The following SUN1 variants were observed in gnomAD, a reference collection of about 807,000 sequenced individuals.
SUN1 encodes the protein SUN domain-containing protein 1.
A neutral mutation model predicts 103.2 loss-of-function variants in SUN1; 61 were observed. That is an observed-to-expected ratio of 0.59 (90% CI 0.48 to 0.73). The LOEUF (loss-of-function observed/expected upper bound fraction) is 0.73, where lower values mean the gene tolerates loss of function less well. Among genes scored for constraint, SUN1 ranks in the 30% least tolerant of loss-of-function variants. The pLI, the probability that SUN1 is intolerant of heterozygous loss-of-function variation, is 0.00. For synonymous variants in SUN1, 490 were observed against 425.7 expected (o/e 1.15, Z -1.86); for missense variants, 1,052 against 1,034.6 (o/e 1.02, Z -0.23).
chr7:851,789 T>C (rs2128385853), intron 6 of SUN1, 161 bp from the exon 7 acceptor site: 1 of 681,794 alleles, frequency 1.5e-6, no homozygotes, highest in Non-Finnish European at 2.5e-6. Context: ...CATGATACGT[T>C]ACTGCCTTGC....
At position 841,960 on chromosome 7, in the gene SUN1, G is replaced by A. The variant is rs112598200; in HGVS notation, c.281G>A (p.Arg94His). The A allele has an allele frequency of 4.8e-5, 77 of 1,613,998 alleles. No individual in the cohort carries two copies. Among genetic ancestry groups the A allele is most frequent in the East Asian group, 2.9e-4 (13 of 44,878 alleles). ...TTTCTTCTTAGAACAACAAAACAGC[G>A]CAGAAGCACAAACAAATCAGCTTTT... ...KNRAARTTKQ[R>H]RSTNKSAFSI... Residue 94 changes from arginine to histidine, a missense_variant, in exon 3 of 19, where the codon CGC becomes CAC. Physicochemically the swap from Arg to His is conservative, Grantham distance 29. This residue lies in a region of SUN1 where 846 missense variants were observed against 774.5 expected (regional missense o/e 1.09). Transcript: ENST00000401592.
chr7:851,471 T>C lies in SUN1; in HGVS notation c.746T>C (p.Val249Ala). Residue 249 changes from valine to alanine, a missense_variant, in exon 6 of 19, where the codon GTG becomes GCG. This residue lies in a region of SUN1 where 846 missense variants were observed against 774.5 expected (regional missense o/e 1.09). Transcript: ENST00000401592. ...RTAWSALWLA[V>A]VAPGKAASGV... ...GCGTGGTCGGCCCTTTGGCTGGCCG[T>C]GGTTGCTCCAGGTGGCTATTTTGGG... 6.2e-7 allele frequency: 1 copy of C among 1,606,440 alleles called. No homozygotes were observed. Among genetic ancestry groups the C allele is most frequent in the Non-Finnish European group, 8.5e-7 (1 of 1,176,494 alleles).
chr7:848,618 A>G, intron 5 of SUN1: 1 of 1,316,440 alleles, frequency 7.6e-7, no homozygotes. Flanking sequence ...ATCAAAAGGT[A>G]TTTAAATATT....
At chr7:855,389 C>T (rs7810485) in intron 11 of SUN1, among the ~76,000 whole-genome samples, 61,153 of 152,024 alleles carry the variant, frequency 0.4, 12,579 homozygotes, top group East Asian at 0.5. Flanking sequence ...TTTTGACAGA[C>T]AGCACTAGCT....
intron 1 of SUN1, among the ~76,000 whole-genome samples, chr7:834,436 C>CGGA (rs1317426484): frequency 2.0e-5 from 3 of 152,110 alleles, no homozygotes; most frequent in Non-Finnish European, 4.4e-5. Flanking sequence ...GGAGCACAGC[C>CGGA]GGAGACTGGA....
At chr7:848,967 T>A (rs1306598036) in intron 5 of SUN1, among the ~76,000 whole-genome samples, 1 of 152,250 alleles carries the variant, frequency 6.6e-6, no homozygotes, top group Non-Finnish European at 1.5e-5. Context: ...TTTTTTCTTT[T>A]TGAGACGGAG....
chr7:840,918 G>A (rs984973038), intron 2 of SUN1, among the ~76,000 whole-genome samples: 1 of 152,094 alleles, frequency 6.6e-6, no homozygotes, highest in Non-Finnish European at 1.5e-5. Context: ...TGGGATTACA[G>A]GCATGAGCCA....
chr7:860,521 A>T lies in SUN1; in HGVS notation c.1779+139A>T, dbSNP rs561943786. On this transcript the variant is annotated intron_variant, in intron 14 of 18. Transcript: ENST00000401592. ...GGTGTGCTTAGCTGACGTAAGTGAGATGAGACGTGCCTGGGCAGTGCCGTG... is the reference window on the plus strand; with the variant it reads ...GGTGTGCTTAGCTGACGTAAGTGAGTTGAGACGTGCCTGGGCAGTGCCGTG... 2.8e-6 allele frequency: 4 copies of T among 1,409,256 alleles called. No homozygotes were observed. In the South Asian group the frequency reaches 5.5e-5, roughly 19 times the overall value. The allele number at this position is 1,409,256 out of a possible 1,614,324, so 87.3% of individuals were successfully genotyped here.
chr7:848,732 T>C, intron 5 of SUN1: 3 of 619,960 alleles, frequency 4.8e-6, no homozygotes, highest in Non-Finnish European at 7.2e-6. Flanking sequence ...GTCTTGGTGC[T>C]GGCTCTCTCC....
At chr7:817,531 G>C in intron 1 of SUN1, 7 of 1,534,620 alleles carry the variant, frequency 4.6e-6, no homozygotes, top group South Asian at 1.2e-5. Flanking sequence ...CTCTGCTCTC[G>C]CTTTGCAGCT....
intron 17 of SUN1, among the ~76,000 whole-genome samples, chr7:871,079 C>T (rs977064920): frequency 3.3e-5 from 5 of 151,594 alleles, no homozygotes; most frequent in African/African-American, 9.7e-5. Context: ...TTAGTAGAGA[C>T]GGGGTTTCTC....
rs1287224439 is a variant in SUN1 at position 874,187 on chromosome 7, T to C, written c.*856T>C. 3 of 152,416 alleles carry C rather than the reference T, an allele frequency of 2.0e-5. No individual in the cohort carries two copies. The highest frequency in any genetic ancestry group is 7.2e-5 in the African/African-American group (3 of 41,438). The allele number at this position is 152,416 out of a possible 1,614,324, so 9.4% of individuals were successfully genotyped here. Reference sequence around the variant, plus strand: ...CCCTGAGCCTCCCTCTCACTGGTGGTGATAAGAGGAGCCGTCTGGTGTGTC... The same window carrying C: ...CCCTGAGCCTCCCTCTCACTGGTGGCGATAAGAGGAGCCGTCTGGTGTGTC... On this transcript the variant is annotated 3_prime_UTR_variant, in exon 19 of 19. Coordinates refer to ENST00000401592, the MANE Select transcript of SUN1 (RefSeq NM_001130965.3).
chr7:849,653 A>C (rs967550625), intron 5 of SUN1: 16 of 1,531,492 alleles, frequency 1.0e-5, no homozygotes, highest in Non-Finnish European at 1.2e-5. Context: ...AGTTGGTCCC[A>C]CACGCTGTCA....
At chr7:850,130 T>C in intron 5 of SUN1, 1 of 1,175,138 alleles carries the variant, frequency 8.5e-7, no homozygotes, top group Non-Finnish European at 1.2e-6. Flanking sequence ...TTTAAAGTCT[T>C]GCTGTAAAAA....
At chr7:826,449 A>T (rs1002254618) in intron 1 of SUN1, among the ~76,000 whole-genome samples, 4 of 152,152 alleles carry the variant, frequency 2.6e-5, no homozygotes, top group African/African-American at 9.7e-5. Flanking sequence ...ATCGCTGCCC[A>T]GCCGGGTGGA....
intron 9 of SUN1, 157 bp downstream of exon 9, chr7:853,109 C>A: frequency 9.8e-7 from 1 of 1,017,130 alleles, no homozygotes; most frequent in Non-Finnish European, 1.4e-6. Context: ...CTTAAGTGTT[C>A]TAGGATAGTT....
In SUN1 at chr7:825,460, C is replaced by T. The variant is rs566692642; in HGVS notation, c.-74+8787C>T. On this transcript the variant is annotated intron_variant, in intron 1 of 17. Transcript: ENST00000389574. ...TTAAATGACAAGTAGAAGTTCCATC[C>T]GCCCGAATTTACTCAAATCTAGTGT... Among the ~76,000 whole-genome samples, 7 of 152,290 alleles carry T rather than the reference C, an allele frequency of 4.6e-5. No homozygotes were observed. In the East Asian group the frequency reaches 1.2e-3, roughly 25 times the overall value.
upstream of SUN1, among the ~76,000 whole-genome samples, chr7:828,203 C>G (rs1794450131): frequency 6.6e-6 from 1 of 151,926 alleles, no homozygotes; most frequent in Non-Finnish European, 1.5e-5. Context: ...CCCACCTGGC[C>G]TTATCTAATT....
At chr7:829,863 C>G (rs1324988834), upstream of SUN1, among the ~76,000 whole-genome samples, 1 of 152,154 alleles carries the variant, frequency 6.6e-6, no homozygotes, top group Admixed American at 6.5e-5. Flanking sequence ...CATAACTGTT[C>G]TTTTTTAAAA....
Sources: allele counts gnomAD v4.1 joint callset (sites outside exome capture counted in the v4.1 genomes callset), GRCh38; gene constraint gnomAD v4.1.1; regional missense constraint gnomAD v4.1.1; transcripts MANE v1.5; gene names NCBI Gene and HGNC (gene_info 2026-07-23, HGNC 2026-07-21).